Variants in GADL1 observed in about 807,000 individuals in gnomAD.
The protein encoded by GADL1 is acidic amino acid decarboxylase GADL1.
Under a neutral mutation model 69.5 loss-of-function variants are expected in GADL1, and 71 were observed. The observed-to-expected ratio is 1.02, with a 90% CI of 0.84 to 1.25. GADL1 has a LOEUF of 1.25. Among genes scored for constraint, GADL1 ranks in the 50% most tolerant of loss-of-function variants. The probability of loss-of-function intolerance (pLI) is 0.00; values close to 1 mark genes in which losing one functional copy is unlikely to be tolerated. For missense variants in GADL1, 737 were observed against 631.8 expected (o/e 1.17, Z -1.79); for synonymous variants, 254 against 214.4 (o/e 1.18, Z -1.62).
chr3:30,864,360 G>A (rs533877989), intron 1 of GADL1, among the ~76,000 whole-genome samples: 9 of 150,744 alleles, frequency 6.0e-5, no homozygotes, highest in South Asian at 2.1e-4. Context: ...CTCTCACCCC[G>A]TTCCGTGTGT....
At chr3:30,819,670 A>G (rs1384299492) in intron 11 of GADL1, among the ~76,000 whole-genome samples, 1 of 152,148 alleles carries the variant, frequency 6.6e-6, no homozygotes, top group Admixed American at 6.6e-5. Context: ...AATTACATAA[A>G]TTTAATAAGG....
chr3:30,864,378 TCACACACATA>T (rs368564917), intron 1 of GADL1, among the ~76,000 whole-genome samples: 2 of 151,686 alleles, frequency 1.3e-5, no homozygotes, highest in African/African-American at 4.8e-5. Context: ...TGTGTGTGTG[TCACACACATA>T]CACACACACG....
intron 1 of GADL1, among the ~76,000 whole-genome samples, chr3:30,878,701 G>C (rs1024520230): frequency 6.6e-6 from 1 of 151,834 alleles, no homozygotes; most frequent in African/African-American, 2.4e-5. Context: ...AGTGGCAGTG[G>C]CACTAGCTGA....
intron 11 of GADL1, among the ~76,000 whole-genome samples, chr3:30,804,536 C>T (rs895712237): frequency 2.0e-5 from 3 of 149,988 alleles, no homozygotes; most frequent in African/African-American, 7.4e-5. Flanking sequence ...CCCGATATCT[C>T]CCTTTATCTG....
chr3:30,842,246 T>G (rs1211011660), intron 8 of GADL1, among the ~76,000 whole-genome samples: 1 of 152,222 alleles, frequency 6.6e-6, no homozygotes, highest in East Asian at 1.9e-4. Flanking sequence ...TTAAAAATTA[T>G]ATTTTAAACA....
intron 11 of GADL1, among the ~76,000 whole-genome samples, chr3:30,824,231 GAC>G (rs1697643803): frequency 6.6e-6 from 1 of 151,426 alleles, no homozygotes; most frequent in Admixed American, 6.6e-5. Flanking sequence ...TTAAAGGAAT[GAC>G]AGTTAAATAG....
intron 14 of GADL1, among the ~76,000 whole-genome samples, chr3:30,760,497 T>G (rs1696101932): frequency 6.6e-6 from 1 of 152,168 alleles, no homozygotes; most frequent in African/African-American, 2.4e-5. Flanking sequence ...CCTAACATCT[T>G]ACATAAAACT....
At chr3:30,776,238 T>C (rs1696533651) in intron 14 of GADL1, among the ~76,000 whole-genome samples, 2 of 152,228 alleles carry the variant, frequency 1.3e-5, no homozygotes, top group South Asian at 2.1e-4. Flanking sequence ...ACATTCTTCA[T>C]TGTTTTTCGT....
chr3:30,828,487 G>C (rs921397556), intron 11 of GADL1, among the ~76,000 whole-genome samples: 4 of 147,846 alleles, frequency 2.7e-5, no homozygotes, highest in Non-Finnish European at 6.0e-5. Flanking sequence ...AGTGGGGGGG[G>C]TGCGGGGGAG....
intron 11 of GADL1, among the ~76,000 whole-genome samples, chr3:30,818,922 G>T (rs537494118): frequency 7.9e-5 from 12 of 152,172 alleles, no homozygotes; most frequent in African/African-American, 2.2e-4. Context: ...CTTGCTTCAT[G>T]CCCCTATTTC....
chr3:30,792,657 T>C (rs1310579092), intron 12 of GADL1, among the ~76,000 whole-genome samples: 1 of 152,172 alleles, frequency 6.6e-6, no homozygotes, highest in Non-Finnish European at 1.5e-5. Flanking sequence ...GAACCAGTTA[T>C]TTAATTTCAG....
At chr3:30,894,385 C>T (rs991201084) in intron 1 of GADL1, among the ~76,000 whole-genome samples, 193 bp downstream of exon 1, 5 of 152,244 alleles carry the variant, frequency 3.3e-5, no homozygotes, top group Admixed American at 2.0e-4. Flanking sequence ...AAAGTTAACT[C>T]ATTTGATTCT....
chr3:30,850,886 T>G lies in GADL1; in HGVS notation c.484A>C (p.Lys162Gln). ...FLLVEEAVLK[K>Q]MIEFIGWKEG... ...TTCCAGCCAATAAATTCAATCATTT[T>G]CTTCAGAACCGCTTCTTCCACTAAC... The change falls in exon 5 of 15, where the codon AAA becomes CAA. Residue 162 changes from lysine (K) to glutamine (Q), a missense_variant. Physicochemically the swap from Lys to Gln is moderately conservative, Grantham distance 53. Coordinates refer to ENST00000282538, the MANE Select transcript of GADL1 (RefSeq NM_207359.3). 6.4e-7 allele frequency: 1 copy of G among 1,550,874 alleles called. No individual in the cohort carries two copies. Among genetic ancestry groups the G allele is most frequent in the South Asian group, 1.2e-5 (1 of 84,028 alleles).
At chr3:30,838,516 T>C (rs1695658012) in intron 9 of GADL1, among the ~76,000 whole-genome samples, 1 of 152,178 alleles carries the variant, frequency 6.6e-6, no homozygotes, top group South Asian at 2.1e-4. Context: ...CAATTATGCA[T>C]TGTAGCTTTT....
At position 30,797,481 on chromosome 3, in the gene GADL1, A is replaced by G. The variant is rs147418299; in HGVS notation, c.1250+3408T>C. Among the ~76,000 whole-genome samples, 32 of 152,294 alleles carry G rather than the reference A, an allele frequency of 2.1e-4. 1 individual carries two copies. In the East Asian group the frequency reaches 5.8e-3, roughly 27 times the overall value. On this transcript the variant is annotated intron_variant, in intron 12 of 14. Transcript: ENST00000282538. Reference sequence around the variant, plus strand: ...TGATCTAAGTGTTCTACATGTATCAATTCCTTTAATCTTTACAGTAACTGT... The same window carrying G: ...TGATCTAAGTGTTCTACATGTATCAGTTCCTTTAATCTTTACAGTAACTGT...
At chr3:30,790,161 A>G (rs1696884764) in intron 12 of GADL1, among the ~76,000 whole-genome samples, 2 of 152,178 alleles carry the variant, frequency 1.3e-5, no homozygotes. Context: ...AGGCCATTGT[A>G]GAGTTATTAG....
At chr3:30,822,549 T>C (rs1026009106) in intron 11 of GADL1, among the ~76,000 whole-genome samples, 4 of 152,054 alleles carry the variant, frequency 2.6e-5, no homozygotes, top group Middle Eastern at 3.2e-3. Flanking sequence ...GCAAAATATA[T>C]TAATCTATAC....
At chr3:30,872,121 C>G (rs1017527256) in intron 1 of GADL1, among the ~76,000 whole-genome samples, 1 of 151,944 alleles carries the variant, frequency 6.6e-6, no homozygotes, top group South Asian at 2.1e-4. Context: ...ATCTTTTGAA[C>G]TTCTATAATG....
intron 1 of GADL1, among the ~76,000 whole-genome samples, chr3:30,890,567 A>T (rs777872931): frequency 1.4e-4 from 22 of 152,126 alleles, no homozygotes; most frequent in Non-Finnish European, 2.4e-4. Context: ...AATCACCTGG[A>T]CTCTTAATTC....
Sources: allele counts gnomAD v4.1 joint callset (sites outside exome capture counted in the v4.1 genomes callset), GRCh38; gene constraint gnomAD v4.1.1; transcripts MANE v1.5; gene names NCBI Gene and HGNC (gene_info 2026-07-23, HGNC 2026-07-21).